The following NPY5R variants were observed in gnomAD, a reference collection of about 807,000 sequenced individuals.
The protein encoded by NPY5R is neuropeptide Y receptor type 5.
A neutral mutation model predicts 24.8 loss-of-function variants in NPY5R; 21 were observed. That is an observed-to-expected ratio of 0.85 (90% CI 0.60 to 1.22). NPY5R has a LOEUF of 1.22. Ranked by LOEUF, NPY5R falls within the 50% of genes most tolerant of loss-of-function variation. NPY5R has a pLI of 0.00. For missense variants in NPY5R, 481 were observed against 521.3 expected, an observed-to-expected ratio of 0.92 and a Z score of 0.75; for synonymous variants, 175 against 183.0, an observed-to-expected ratio of 0.96 and a Z score of 0.35.
At position 163,351,733 on chromosome 4, in the gene NPY5R, A is replaced by C. The variant is rs899437607; in HGVS notation, c.*122A>C. 1.6e-6 allele frequency: 1 copy of C among 634,942 alleles called. No homozygotes were observed. The highest frequency in any genetic ancestry group is 2.5e-6 in the Non-Finnish European group (1 of 393,136). 39.3% of individuals were successfully genotyped at this position (634,942 alleles called of 1,614,324 possible). On this transcript the variant is annotated 3_prime_UTR_variant, in exon 4 of 4. Transcript: ENST00000338566. Reference sequence around the variant, plus strand: ...ACATGGAATTTAATTTATGTGAAAGAGTTCTGGATTCAAATGTCAGTTCAT... The same window carrying C: ...ACATGGAATTTAATTTATGTGAAAGCGTTCTGGATTCAAATGTCAGTTCAT...
At position 163,351,347 on chromosome 4, in the gene NPY5R, A is replaced by G. The variant is rs745910034; in HGVS notation, c.1074A>G (p.Arg358=). The part of the protein sequence containing the change: ...HELRVKRSVT[R]IKKRSRSVFY... ...TGAGAGTAAAACGTTCTGTTACAAG[A>G]ATAAAAAAGAGATCTCGAAGTGTTT... The change falls in exon 4 of 4, where the codon AGA becomes AGG. Residue 358 remains arginine (R), a synonymous_variant. Coordinates refer to ENST00000338566, the MANE Select transcript of NPY5R (RefSeq NM_006174.4). 5.6e-6 allele frequency: 9 copies of G among 1,613,768 alleles called. No individual in the cohort carries two copies. In the African/African-American group the frequency reaches 1.2e-4, roughly 22 times the overall value.
chr4:163,352,168 G>A (rs35911422), downstream of NPY5R, among the ~76,000 whole-genome samples: 12,920 of 152,136 alleles, frequency 0.085, 673 homozygotes, highest in Middle Eastern at 0.16. Context: ...AGTTTTGGAA[G>A]TCCTGTAGGA....
chr4:163,349,551 G>T (rs1735391889), intron 3 of NPY5R, among the ~76,000 whole-genome samples: 1 of 152,116 alleles, frequency 6.6e-6, no homozygotes, highest in Non-Finnish European at 1.5e-5. Context: ...GAAATAAATG[G>T]AATTTTTATG....
In NPY5R at chr4:163,351,053, T is replaced by C. The variant is rs780515557; in HGVS notation, c.780T>C (p.His260=). Residue 260 remains histidine (H), a synonymous_variant, in exon 4 of 4, where the codon CAT becomes CAC. Coordinates refer to ENST00000338566, the MANE Select transcript of NPY5R (RefSeq NM_006174.4). ...EENEMINLTL[H]PSKKSGPQVK... is the part of the protein sequence containing the mutation. ...ATGAGATGATCAACTTAACTCTTCA[T>C]CCATCCAAAAAGAGTGGGCCTCAGG... The C allele has an allele frequency of 6.2e-7, 1 of 1,614,056 alleles. No individual in the cohort carries two copies. The highest frequency in any genetic ancestry group is 8.5e-7 in the Non-Finnish European group (1 of 1,179,954).
chr4:163,346,770 G>A (rs1015665980), intron 2 of NPY5R, among the ~76,000 whole-genome samples: 5 of 152,092 alleles, frequency 3.3e-5, no homozygotes, highest in South Asian at 4.2e-4. Flanking sequence ...CTGCACAGTC[G>A]TGGAAATGGA....
chr4:163,346,088 G>T (rs991211519), intron 2 of NPY5R, among the ~76,000 whole-genome samples: 6 of 152,052 alleles, frequency 3.9e-5, no homozygotes, highest in Non-Finnish European at 8.8e-5. Context: ...GATGGTGTGG[G>T]GTGGGGCTAG....
At chr4:163,346,062 G>A (rs1179875277) in intron 2 of NPY5R, among the ~76,000 whole-genome samples, 1 of 151,984 alleles carries the variant, frequency 6.6e-6, no homozygotes, top group Non-Finnish European at 1.5e-5. Flanking sequence ...TTACATGTGT[G>A]TATGTTTATG....
chr4:163,349,188 C>T (rs1735377245), intron 3 of NPY5R: 1 of 169,254 alleles, frequency 5.9e-6, no homozygotes, highest in Non-Finnish European at 1.2e-5. Flanking sequence ...GATAGTGATC[C>T]TATTCTCAAG....
At chr4:163,344,599 A>G (rs1735137507) in intron 1 of NPY5R, 1 of 152,244 alleles carries the variant, frequency 6.6e-6, no homozygotes, top group Admixed American at 6.5e-5. Flanking sequence ...GCTGCGCTCT[A>G]AGGTTTGCGC....
intron 1 of NPY5R, chr4:163,344,992 A>G (rs1735167180): frequency 6.6e-6 from 1 of 152,214 alleles, no homozygotes; most frequent in Admixed American, 6.5e-5. Context: ...CCATGGGAAT[A>G]TTTGAGAACA....
At position 163,351,180 on chromosome 4, in the gene NPY5R, C is replaced by A; in HGVS notation, c.907C>A (p.Pro303Thr). ...TACVLPAPERPSQENHSRILP... is the reference protein window; with the variant it reads ...TACVLPAPERTSQENHSRILP... ...ATGTGTGTTACCTGCTCCAGAAAGACCTTCTCAAGAGAACCACTCCAGAAT... is the reference window on the plus strand; with the variant it reads ...ATGTGTGTTACCTGCTCCAGAAAGAACTTCTCAAGAGAACCACTCCAGAAT... Residue 303 changes from proline (P) to threonine (T), a missense_variant, in exon 4 of 4, where the codon CCT becomes ACT. By Grantham distance (38) the Pro-to-Thr change is conservative (BLOSUM62 -1). Transcript: ENST00000338566. 2 of 1,614,024 alleles carry A rather than the reference C, an allele frequency of 1.2e-6. No homozygotes were observed. The highest frequency in any genetic ancestry group is 1.7e-6 in the Non-Finnish European group (2 of 1,179,940).
intron 1 of NPY5R, chr4:163,345,077 G>GA (rs1346301250): frequency 2.0e-5 from 3 of 152,166 alleles, no homozygotes; most frequent in Non-Finnish European, 2.9e-5. Flanking sequence ...GGAGGAAAAA[G>GA]AATTACATAT....
Position 163,351,588 on chromosome 4 carries a change from C to G in NPY5R, c.1315C>G (p.Leu439Val). The G allele has an allele frequency of 6.2e-7, 1 of 1,606,614 alleles. No homozygotes were observed. The highest frequency in any genetic ancestry group is 8.5e-7 in the Non-Finnish European group (1 of 1,173,772). The change falls in exon 4 of 4, where the codon CTT (leucine) becomes GTT (valine). Residue 439 changes from leucine to valine, a missense_variant. By Grantham distance (32) the Leu-to-Val change is conservative. Coordinates refer to ENST00000338566, the MANE Select transcript of NPY5R (RefSeq NM_006174.4). ...TGGGATTAAAGCTGATTTAGTGTCC[C>G]TTATACACTGTCTTCATATGTAATA... ...NNGIKADLVS[L>V]IHCLHM
rs749985295 is a variant in NPY5R, at chr4:163,351,140, T to C, written c.867T>C (p.Tyr289=). Residue 289 remains tyrosine, a synonymous_variant, in exon 4 of 4, where the codon TAT becomes TAC. Coordinates refer to ENST00000338566, the MANE Select transcript of NPY5R (RefSeq NM_006174.4). The part of the protein sequence containing the change: ...YSFIKKHRRR[Y]SKKTACVLPA... ...TCATCAAAAAACACAGAAGAAGATA[T>C]AGCAAGAAGACAGCATGTGTGTTAC... is the stretch of plus-strand genomic sequence containing the variant. 7.4e-6 allele frequency: 12 copies of C among 1,613,930 alleles called. No individual in the cohort carries two copies. The highest frequency in any genetic ancestry group is 5.5e-5 in the South Asian group (5 of 91,082).
Position 163,351,334 on chromosome 4 carries a change from G to A in NPY5R, c.1061G>A (p.Arg354His), listed in dbSNP as rs757537567. The A allele has an allele frequency of 2.9e-5, 47 of 1,613,456 alleles. 1 individual carries two copies. Among genetic ancestry groups the A allele is most frequent in the African/African-American group, 2.0e-4 (15 of 74,880 alleles). Reference sequence around the variant, plus strand: ...GATGTTCATGAATTGAGAGTAAAACGTTCTGTTACAAGAATAAAAAAGAGA... The same window carrying A: ...GATGTTCATGAATTGAGAGTAAAACATTCTGTTACAAGAATAAAAAAGAGA... ...NSDVHELRVK[R>H]SVTRIKKRSR... is the part of the protein sequence containing the mutation. The change falls in exon 4 of 4, where the codon CGT becomes CAT. Residue 354 changes from arginine to histidine, a missense_variant. Arg to His is a conservative substitution (Grantham distance 29). Coordinates refer to ENST00000338566, the MANE Select transcript of NPY5R (RefSeq NM_006174.4).
In NPY5R at chr4:163,349,892, G is replaced by A. The variant is rs992382228; in HGVS notation, c.-9-373G>A. On this transcript the variant is annotated intron_variant, in intron 3 of 3. Transcript: ENST00000338566. ...AGCACTTTGGGAGGCCGAGGCGGGC[G>A]GATCACGAGGTCAGGAGATCGAGAC... Among the ~76,000 whole-genome samples, 11 of 152,020 alleles carry A rather than the reference G, an allele frequency of 7.2e-5. No individual in the cohort carries two copies. The East Asian group carries it at 1.9e-3, about 27-fold the overall frequency.
intron 3 of NPY5R, among the ~76,000 whole-genome samples, chr4:163,349,681 G>A (rs558089589): frequency 2.6e-5 from 4 of 152,154 alleles, no homozygotes; most frequent in African/African-American, 7.2e-5. Context: ...CTTTCCTTAC[G>A]TTATTTACTA....
At chr4:163,344,068 C>A (rs1165434500) in intron 1 of NPY5R, 68 bp downstream of exon 1, 1 of 152,192 alleles carries the variant, frequency 6.6e-6, no homozygotes, top group Non-Finnish European at 1.5e-5. Context: ...GGGGCCGTGG[C>A]GGGTCCCCGC....
chr4:163,349,059 CA>C (rs1353984490), intron 3 of NPY5R, among the ~76,000 whole-genome samples: 3 of 152,138 alleles, frequency 2.0e-5, no homozygotes, highest in Non-Finnish European at 4.4e-5. Context: ...TGGCACATCT[CA>C]AACCATTGAG....
Sources: allele counts gnomAD v4.1 joint callset (sites outside exome capture counted in the v4.1 genomes callset), GRCh38; gene constraint gnomAD v4.1.1; transcripts MANE v1.5; gene names NCBI Gene and HGNC (gene_info 2026-07-23, HGNC 2026-07-21).